The following DENND4A variants were observed in gnomAD, a reference collection of about 807,000 sequenced individuals.
The protein encoded by DENND4A is C-myc promoter-binding protein.
In DENND4A, 70 loss-of-function variants were observed where a neutral mutation model predicts 199.3. That is an observed-to-expected ratio of 0.35 (90% CI 0.29 to 0.43). The LOEUF is 0.43. Among genes scored for constraint, DENND4A ranks in the 20% least tolerant of loss-of-function variants. DENND4A has a pLI of 1.00. For synonymous variants in DENND4A, 686 were observed against 766.9 expected (o/e 0.89, Z 1.74); for missense variants, 1,723 against 2,255.8 (o/e 0.76, Z 4.78).
rs1219640223 is a variant in DENND4A, at chr15:65,674,055, AAG to A, written c.4370-2171_4370-2170del. Among the ~76,000 whole-genome samples the A allele has an allele frequency of 3.3e-5, 5 of 152,296 alleles. No homozygotes were observed. In the East Asian group the frequency reaches 9.6e-4, roughly 29 times the overall value. On this transcript the variant is annotated intron_variant, in intron 24 of 32. Transcript: ENST00000443035. ...ATAAATATACAGCAAGGGGGAAAAA[AAG>A]AGGGAGAGGAAGGGGAATAAAGACA...
chr15:65,705,093 C>G (rs1380769723), intron 15 of DENND4A, among the ~76,000 whole-genome samples: 1 of 152,074 alleles, frequency 6.6e-6, no homozygotes. Context: ...TTTTAAATAT[C>G]TTTGACAGAA....
intron 1 of DENND4A, among the ~76,000 whole-genome samples, chr15:65,763,453 TG>T (rs980188769): frequency 1.3e-5 from 2 of 152,012 alleles, no homozygotes; most frequent in Admixed American, 6.6e-5. Context: ...TTTGGGAGGT[TG>T]AGGCGTGTGG....
chr15:65,659,523 A>G lies in DENND4A; in HGVS notation c.*2328T>C, dbSNP rs1187161171. The G allele has an allele frequency of 6.6e-6, 1 of 151,624 alleles. No homozygotes were observed. The highest frequency in any genetic ancestry group is 1.5e-5 in the Non-Finnish European group (1 of 67,900). 9.4% of individuals were successfully genotyped at this position (151,624 alleles called of 1,614,324 possible). Reference sequence around the variant, plus strand: ...GCAAATTTAAAAAATTTTTTTGTAGAGACAGGGTCTCTCTATGTTGCTCAG... The same window carrying G: ...GCAAATTTAAAAAATTTTTTTGTAGGGACAGGGTCTCTCTATGTTGCTCAG... On this transcript the variant is annotated 3_prime_UTR_variant, in exon 33 of 33. Transcript: ENST00000443035.
intron 4 of DENND4A, among the ~76,000 whole-genome samples, chr15:65,744,021 G>T (rs1057382923): frequency 6.6e-6 from 1 of 152,124 alleles, no homozygotes; most frequent in African/African-American, 2.4e-5. Flanking sequence ...GTTGAGAAGT[G>T]GGGGTGGGAG....
At chr15:65,683,846 C>T (rs1273030807) in intron 23 of DENND4A, among the ~76,000 whole-genome samples, 1 of 152,130 alleles carries the variant, frequency 6.6e-6, no homozygotes, top group Non-Finnish European at 1.5e-5. Context: ...AAAATCTTTA[C>T]CACCCCAGTA....
At chr15:65,781,243 T>G (rs1318335192) in intron 1 of DENND4A, among the ~76,000 whole-genome samples, 3 of 152,138 alleles carry the variant, frequency 2.0e-5, no homozygotes, top group Admixed American at 6.5e-5. Context: ...TTACTAGAGT[T>G]AAGATTAGAG....
At chr15:65,757,978 T>C (rs1439679448) in intron 2 of DENND4A, among the ~76,000 whole-genome samples, 1 of 151,596 alleles carries the variant, frequency 6.6e-6, no homozygotes, top group Admixed American at 6.6e-5. Context: ...CGAAACTCTA[T>C]CTCAAAAAGA....
intron 1 of DENND4A, among the ~76,000 whole-genome samples, chr15:65,765,616 T>C (rs1162357152): frequency 1.3e-5 from 2 of 152,218 alleles, no homozygotes; most frequent in East Asian, 1.9e-4. Flanking sequence ...CATCTGTGTG[T>C]GTGTTTAGTT....
At chr15:65,727,991 GT>G (rs954099715) in intron 11 of DENND4A, among the ~76,000 whole-genome samples, 1 of 151,342 alleles carries the variant, frequency 6.6e-6, no homozygotes, top group Non-Finnish European at 1.5e-5. Flanking sequence ...ACTATGATGA[GT>G]TTTTTTTGTT....
chr15:65,738,760 T>C lies in DENND4A; in HGVS notation c.747A>G (p.Lys249=), dbSNP rs2076177053. 1.1e-5 allele frequency: 17 copies of C among 1,612,910 alleles called. No homozygotes were observed. Among genetic ancestry groups the C allele is most frequent in the Non-Finnish European group, 1.4e-5 (16 of 1,179,406 alleles). The change falls in exon 6 of 33, where the codon AAA becomes AAG. Residue 249 remains lysine, a synonymous_variant. Transcript: ENST00000443035. ...AAGTAGAAAATACAGGCAGAGGGTATTTGCTATTTGATGGCCAACATTCAA... is the reference window on the plus strand; with the variant it reads ...AAGTAGAAAATACAGGCAGAGGGTACTTGCTATTTGATGGCCAACATTCAA... ...ATIECWPSNS[K]YPLPVFSTFV... is the part of the protein sequence containing the mutation.
In DENND4A at chr15:65,669,698, G is replaced by A. The variant is rs1263835412; in HGVS notation, c.4787+81C>T. 6 of 1,230,976 alleles carry A rather than the reference G, an allele frequency of 4.9e-6. No individual in the cohort carries two copies. The Admixed American group carries it at 1.0e-4, about 21-fold the overall frequency. The allele number at this position is 1,230,976 out of a possible 1,614,324, so 76.3% of individuals were successfully genotyped here. A position where few individuals can be genotyped will look rare whatever the true frequency, so the allele number is the denominator to read the frequency against. ...TCATAGACATTTAAACCTGGAAATG[G>A]TCAACTAATTTTTCTGTCATACTTC... On this transcript the variant is annotated intron_variant, in intron 27 of 32. Coordinates refer to ENST00000443035, the MANE Select transcript of DENND4A (RefSeq NM_001320835.1).
Position 65,660,243 on chromosome 15 carries a change from GT to G in DENND4A, c.*1607del. 1 of 1,520,744 alleles carries G rather than the reference GT, an allele frequency of 6.6e-7. No homozygotes were observed. The highest frequency in any genetic ancestry group is 1.2e-5 in the South Asian group (1 of 83,738). 94.2% of individuals were successfully genotyped at this position (1,520,744 alleles called of 1,614,324 possible). On this transcript the variant is annotated 3_prime_UTR_variant, in exon 33 of 33. Coordinates refer to ENST00000443035, the MANE Select transcript of DENND4A (RefSeq NM_001320835.1). ...CAAGTTCAGCCCCAAACTAACTGAA[GT>G]TTTACATTTTTAAACTCTCTCCATT...
chr15:65,770,646 AAAGTTT>A (rs1377323928), intron 1 of DENND4A, among the ~76,000 whole-genome samples: 1 of 152,196 alleles, frequency 6.6e-6, no homozygotes, highest in Non-Finnish European at 1.5e-5. Context: ...ACACAAAGTT[AAAGTTT>A]TTGTTTTTTC....
intron 12 of DENND4A, among the ~76,000 whole-genome samples, chr15:65,721,642 C>G (rs1304903699): frequency 6.6e-6 from 1 of 151,324 alleles, no homozygotes; most frequent in African/African-American, 2.4e-5. Context: ...CACTCTGTCA[C>G]CAAGGATGGA....
chr15:65,733,637 C>A (rs566746919), intron 7 of DENND4A, among the ~76,000 whole-genome samples: 124 of 152,126 alleles, frequency 8.2e-4, no homozygotes, highest in African/African-American at 2.9e-3. Flanking sequence ...AAAAAGCCAC[C>A]AATGTCTACC....
chr15:65,681,451 C>T (rs1226475555), intron 23 of DENND4A: 2 of 149,896 alleles, frequency 1.3e-5, no homozygotes, highest in East Asian at 2.1e-4. Context: ...TTCTTAAATA[C>T]TAAGTTAAAA....
intron 1 of DENND4A, 122 bp from the exon 2 acceptor site, chr15:65,761,560 GTTTTC>G (rs2076849821): frequency 6.6e-6 from 1 of 151,920 alleles, no homozygotes; most frequent in Admixed American, 6.6e-5. Flanking sequence ...TGCATTTATT[GTTTTC>G]TTGTGGTTAA....
intron 4 of DENND4A, 62 bp downstream of exon 4, chr15:65,752,317 G>A (rs768724097): frequency 0.037 from 9,334 of 252,132 alleles, 196 homozygotes; most frequent in Non-Finnish European, 0.051. Flanking sequence ...AAAAAAAGAT[G>A]TATTTAAAAT....
chr15:65,716,217 ATTTC>A (rs1241105754), intron 13 of DENND4A, among the ~76,000 whole-genome samples: 8 of 150,566 alleles, frequency 5.3e-5, no homozygotes, highest in South Asian at 4.2e-4. Flanking sequence ...TGTCTGGCTA[ATTTC>A]TTTCTTTTTT....
Sources: gnomAD v4.1 joint callset for allele counts (sites outside exome capture counted in the v4.1 genomes callset) on GRCh38, gnomAD v4.1.1 for gene constraint, MANE v1.5 for transcripts, NCBI Gene and HGNC (gene_info 2026-07-23, HGNC 2026-07-21) for gene names.